The following SCN8A variants were observed in gnomAD, a reference collection of about 807,000 sequenced individuals.
SCN8A encodes sodium voltage-gated channel alpha subunit 8, also known as sodium channel protein type 8 subunit alpha.
In SCN8A, 30 loss-of-function variants were observed where a neutral mutation model predicts 184.1. The observed-to-expected ratio is 0.16, with a 90% CI of 0.12 to 0.22. SCN8A has a LOEUF of 0.22. SCN8A is among the 10% of genes least tolerant of loss of function. SCN8A has a pLI of 1.00. For synonymous variants in SCN8A, 852 were observed against 907.0 expected (o/e 0.94, Z 1.09); for missense variants, 1,057 against 2,498.9 (o/e 0.42, Z 12.30).
chr12:51,777,143 G>A (rs1937729084), intron 20 of SCN8A, among the ~76,000 whole-genome samples: 1 of 152,188 alleles, frequency 6.6e-6, no homozygotes, highest in Non-Finnish European at 1.5e-5. Flanking sequence ...CCTGAATTCA[G>A]ACTGCTGAAA....
rs140628066 is a variant in SCN8A at position 51,776,479 on chromosome 12, G to A, written c.3819+2117G>A. Among the ~76,000 whole-genome samples the A allele has an allele frequency of 5.3e-5, 8 of 152,334 alleles. No homozygotes were observed. The East Asian group carries it at 1.4e-3, about 26-fold the overall frequency. Reference sequence around the variant, plus strand: ...ATAATATAGTTGAATGCCATTATCTGTGTAGAATTGCTCCAGAAGCAATAA... The same window carrying A: ...ATAATATAGTTGAATGCCATTATCTATGTAGAATTGCTCCAGAAGCAATAA... On this transcript the variant is annotated intron_variant, in intron 20 of 26. Coordinates refer to ENST00000627620, the MANE Select transcript of SCN8A (RefSeq NM_001330260.2).
At chr12:51,625,115 C>T (rs947886385) in intron 1 of SCN8A, among the ~76,000 whole-genome samples, 8 of 152,146 alleles carry the variant, frequency 5.3e-5, no homozygotes, top group Non-Finnish European at 8.8e-5. Context: ...CATAGAGTAA[C>T]GTATGTTCCA....
chr12:51,651,617 G>A (rs574188001), intron 1 of SCN8A, among the ~76,000 whole-genome samples: 2 of 152,316 alleles, frequency 1.3e-5, no homozygotes, highest in African/African-American at 2.4e-5. Flanking sequence ...CAGTATGGGG[G>A]AAACCGCCCC....
intron 12 of SCN8A, among the ~76,000 whole-genome samples, chr12:51,737,251 A>G (rs1942341779): frequency 6.6e-6 from 1 of 151,928 alleles, no homozygotes; most frequent in African/African-American, 2.4e-5. Context: ...GAGTCCGTGA[A>G]TTAGTATGTG....
intron 15 of SCN8A, among the ~76,000 whole-genome samples, chr12:51,764,268 GC>G (rs1942804344): frequency 6.6e-6 from 1 of 152,144 alleles, no homozygotes; most frequent in African/African-American, 2.4e-5. Context: ...TTATTTGTTA[GC>G]ATATGACATC....
intron 16 of SCN8A, 179 bp downstream of exon 16, chr12:51,766,206 G>A: frequency 1.6e-6 from 1 of 637,336 alleles, no homozygotes; most frequent in South Asian, 1.9e-5. Flanking sequence ...GATACTTACA[G>A]AGTGCCTACT....
At chr12:51,645,642 G>A (rs1003210516) in intron 1 of SCN8A, among the ~76,000 whole-genome samples, 7 of 152,070 alleles carry the variant, frequency 4.6e-5, no homozygotes, top group African/African-American at 1.7e-4. Context: ...CCTGTTGATC[G>A]GTGACCTTAC....
At chr12:51,704,485 C>T (rs1424655654) in intron 9 of SCN8A, among the ~76,000 whole-genome samples, 2 of 150,210 alleles carry the variant, frequency 1.3e-5, no homozygotes, top group East Asian at 2.0e-4. Context: ...ACCTGGCAAA[C>T]CTGGTGAAAC....
chr12:51,626,525 T>A (rs908236760), intron 1 of SCN8A, among the ~76,000 whole-genome samples: 5 of 152,190 alleles, frequency 3.3e-5, no homozygotes, highest in Admixed American at 6.5e-5. Context: ...AAGGAGCTCG[T>A]GATATATCAT....
At position 51,810,647 on chromosome 12, in the gene SCN8A, C is replaced by CTGTT. The variant is rs1218776225; in HGVS notation, c.*3219_*3222dup. On this transcript the variant is annotated 3_prime_UTR_variant, in exon 27 of 27. Coordinates refer to ENST00000627620, the MANE Select transcript of SCN8A (RefSeq NM_001330260.2). Reference sequence around the variant, plus strand: ...ACAAAAAGCAAAAAGATGTGTGATGCTGTTAATAATTTAAAATGCAGAGCC... The same window carrying CTGTT: ...ACAAAAAGCAAAAAGATGTGTGATGCTGTTTGTTAATAATTTAAAATGCAGAGCC... 3.3e-5 allele frequency: 5 copies of CTGTT among 153,570 alleles called. No homozygotes were observed. The highest frequency in any genetic ancestry group is 7.2e-5 in the African/African-American group (3 of 41,448). The allele number at this position is 153,570 out of a possible 1,614,324, so 9.5% of individuals were successfully genotyped here. A position where few individuals can be genotyped will look rare whatever the true frequency, so the allele number is the denominator to read the frequency against.
At chr12:51,674,077 A>G (rs1349500726) in intron 2 of SCN8A, among the ~76,000 whole-genome samples, 1 of 152,236 alleles carries the variant, frequency 6.6e-6, no homozygotes, top group African/African-American at 2.4e-5. Context: ...TGTAGCTGTA[A>G]CTGAAGCATA....
At position 51,621,585 on chromosome 12, in the gene SCN8A, C is replaced by G. The variant is rs553206489; in HGVS notation, c.-55+30226C>G. ...GGACATTGCTAGTATATTATCTATT[C>G]ATGTATATGATGATGATTCTTGGAA... On this transcript the variant is annotated intron_variant, in intron 1 of 26. Coordinates refer to ENST00000627620, the MANE Select transcript of SCN8A (RefSeq NM_001330260.2). Among the ~76,000 whole-genome samples the G allele has an allele frequency of 5.9e-5, 9 of 152,300 alleles. No homozygotes were observed. The East Asian group carries it at 1.7e-3, about 29-fold the overall frequency.
In SCN8A at chr12:51,625,582, G is replaced by T. The variant is rs117013070; in HGVS notation, c.-55+34223G>T. Among the ~76,000 whole-genome samples, 14 of 152,286 alleles carry T rather than the reference G, an allele frequency of 9.2e-5. No individual in the cohort carries two copies. In the East Asian group the frequency reaches 2.7e-3, roughly 29 times the overall value. On this transcript the variant is annotated intron_variant, in intron 1 of 26. Transcript: ENST00000627620. Reference sequence around the variant, plus strand: ...AAGTTTATATTTAACTTTATAGGAAGTTGTCAAACTGTGCGGTATTAGAGT... The same window carrying T: ...AAGTTTATATTTAACTTTATAGGAATTTGTCAAACTGTGCGGTATTAGAGT...
intron 11 of SCN8A, among the ~76,000 whole-genome samples, chr12:51,720,268 A>G (rs956703053): frequency 6.6e-6 from 1 of 150,422 alleles, no homozygotes; most frequent in Non-Finnish European, 1.5e-5. Flanking sequence ...ATGGAATACT[A>G]TGCAGCCATA....
At chr12:51,741,663 G>T (rs1194370573) in intron 12 of SCN8A, among the ~76,000 whole-genome samples, 1 of 151,676 alleles carries the variant, frequency 6.6e-6, no homozygotes, top group Non-Finnish European at 1.5e-5. Context: ...CTACCATGAG[G>T]CTTGCAAATA....
At position 51,686,351 on chromosome 12, in the gene SCN8A, C is replaced by T. The variant is rs759951263; in HGVS notation, c.396-17C>T. The T allele has an allele frequency of 5.9e-6, 9 of 1,536,358 alleles. No homozygotes were observed. The highest frequency in any genetic ancestry group is 7.2e-6 in the Non-Finnish European group (8 of 1,112,246). On this transcript the variant is annotated splice_polypyrimidine_tract_variant and intron_variant, in intron 3 of 26. Coordinates refer to ENST00000627620, the MANE Select transcript of SCN8A (RefSeq NM_001330260.2). Reference sequence around the variant, plus strand: ...AGGCAGGCCAGATTTTAATATTGCCCCTTGACTCTTCTCTACAGTATTTAG... The same window carrying T: ...AGGCAGGCCAGATTTTAATATTGCCTCTTGACTCTTCTCTACAGTATTTAG...
chr12:51,723,911 A>C (rs1299143009), intron 12 of SCN8A, among the ~76,000 whole-genome samples: 1 of 151,840 alleles, frequency 6.6e-6, no homozygotes, highest in East Asian at 1.9e-4. Flanking sequence ...TGAGATGGGG[A>C]GAAGGTTCAG....
chr12:51,780,136 G>T, intron 20 of SCN8A: 1 of 424,788 alleles, frequency 2.4e-6, no homozygotes, highest in Non-Finnish European at 4.8e-6. Context: ...AAAGCCAATG[G>T]TGAATGAGCT....
chr12:51,798,443 C>G (rs2138926796), intron 26 of SCN8A, among the ~76,000 whole-genome samples: 2 of 152,294 alleles, frequency 1.3e-5, no homozygotes, highest in South Asian at 4.1e-4. Flanking sequence ...TGGAAGAGGT[C>G]CGATATAAGC....
Sources: gnomAD v4.1 joint callset for allele counts (sites outside exome capture counted in the v4.1 genomes callset) on GRCh38, gnomAD v4.1.1 for gene constraint, MANE v1.5 for transcripts, NCBI Gene and HGNC (gene_info 2026-07-23, HGNC 2026-07-21) for gene names.